Variants in PLCL1 observed in about 807,000 individuals in gnomAD.
PLCL1 encodes inactive phospholipase C-like protein 1.
In PLCL1, 41 loss-of-function variants were observed where a neutral mutation model predicts 84.4. The ratio of observed to expected loss-of-function variants is 0.49; its 90% CI spans 0.38 to 0.63. PLCL1 has a LOEUF of 0.63. Among genes scored for constraint, PLCL1 ranks in the 30% least tolerant of loss-of-function variants. PLCL1 has a pLI of 0.00. For synonymous variants in PLCL1, 490 were observed against 488.3 expected, an observed-to-expected ratio of 1.00 and a Z score of -0.05; for missense variants, 1,206 against 1,367.8, an observed-to-expected ratio of 0.88 and a Z score of 1.87.
intron 1 of PLCL1, among the ~76,000 whole-genome samples, chr2:197,965,184 T>C (rs549016301): frequency 5.9e-5 from 9 of 152,258 alleles, no homozygotes; most frequent in Non-Finnish European, 1.2e-4. Flanking sequence ...TGGCATCAGG[T>C]CCTGGGCTTT....
chr2:197,812,475 C>A (rs1348637804), intron 1 of PLCL1, among the ~76,000 whole-genome samples: 3 of 152,126 alleles, frequency 2.0e-5, no homozygotes, highest in Non-Finnish European at 4.4e-5. Context: ...TTTTTGACTT[C>A]TTAATAATAG....
At chr2:197,950,676 CTAATA>C (rs1454053598) in intron 1 of PLCL1, among the ~76,000 whole-genome samples, 1 of 152,080 alleles carries the variant, frequency 6.6e-6, no homozygotes, top group Middle Eastern at 3.4e-3. Flanking sequence ...TTTACAATTG[CTAATA>C]TAATAGAATT....
intron 4 of PLCL1, among the ~76,000 whole-genome samples, chr2:198,102,034 A>G (rs1423472354): frequency 6.6e-6 from 1 of 152,076 alleles, no homozygotes; most frequent in Non-Finnish European, 1.5e-5. Context: ...AATCATCATT[A>G]TATCCGATTT....
At chr2:198,059,147 T>C (rs952996770) in intron 1 of PLCL1, among the ~76,000 whole-genome samples, 1 of 152,178 alleles carries the variant, frequency 6.6e-6, no homozygotes, top group African/African-American at 2.4e-5. Flanking sequence ...CCTGTATTCT[T>C]GTGTGACTTT....
chr2:197,815,784 G>C (rs1405580968), intron 1 of PLCL1, among the ~76,000 whole-genome samples: 3 of 152,076 alleles, frequency 2.0e-5, no homozygotes, highest in Non-Finnish European at 4.4e-5. Flanking sequence ...CACTGTAGAC[G>C]GGGTGGAAAT....
intron 1 of PLCL1, among the ~76,000 whole-genome samples, chr2:198,071,903 T>C (rs1012492594): frequency 6.6e-6 from 1 of 151,902 alleles, no homozygotes; most frequent in Non-Finnish European, 1.5e-5. Context: ...TTGTCTGACA[T>C]GAAGCAGAAA....
intron 1 of PLCL1, among the ~76,000 whole-genome samples, chr2:198,011,928 T>C (rs1690877460): frequency 6.6e-6 from 1 of 152,174 alleles, no homozygotes; most frequent in Admixed American, 6.6e-5. Context: ...TGGTCACTTC[T>C]CCTCTCTGTA....
At chr2:197,861,241 C>T (rs1559027907) in intron 1 of PLCL1, among the ~76,000 whole-genome samples, 2 of 152,116 alleles carry the variant, frequency 1.3e-5, no homozygotes, top group South Asian at 4.2e-4. Flanking sequence ...AAGTTGATCA[C>T]CAATAGACAA....
intron 1 of PLCL1, among the ~76,000 whole-genome samples, chr2:197,917,064 C>T (rs1445906188): frequency 6.6e-6 from 1 of 152,158 alleles, no homozygotes; most frequent in African/African-American, 2.4e-5. Context: ...TCTGGGAAAA[C>T]AAAATGGAAC....
chr2:197,811,147 C>A (rs1230400570), intron 1 of PLCL1, among the ~76,000 whole-genome samples: 1 of 152,092 alleles, frequency 6.6e-6, no homozygotes, highest in African/African-American at 2.4e-5. Context: ...TATTCTAGTT[C>A]CTGTAATAGG....
intron 1 of PLCL1, among the ~76,000 whole-genome samples, chr2:197,861,012 A>G (rs979912904): frequency 6.6e-6 from 1 of 152,090 alleles, no homozygotes; most frequent in Non-Finnish European, 1.5e-5. Flanking sequence ...ACTGTGTTTG[A>G]TCTTCACCCA....
At chr2:197,865,170 A>G (rs1687505326) in intron 1 of PLCL1, among the ~76,000 whole-genome samples, 1 of 152,200 alleles carries the variant, frequency 6.6e-6, no homozygotes, top group African/African-American at 2.4e-5. Context: ...AATAGGTTTC[A>G]GTCACTCAAT....
At chr2:198,096,764 G>C (rs1693207197) in intron 3 of PLCL1, among the ~76,000 whole-genome samples, 1 of 152,150 alleles carries the variant, frequency 6.6e-6, no homozygotes, top group African/African-American at 2.4e-5. Flanking sequence ...GGGTGATTTG[G>C]AGAGCAGTTG....
chr2:197,884,078 T>C (rs1687876899), intron 1 of PLCL1, among the ~76,000 whole-genome samples: 2 of 152,222 alleles, frequency 1.3e-5, no homozygotes, highest in African/African-American at 4.8e-5. Flanking sequence ...AACTGGGATA[T>C]TTAATAGATA....
intron 1 of PLCL1, among the ~76,000 whole-genome samples, chr2:198,003,215 C>T (rs1574238606): frequency 6.6e-6 from 1 of 152,052 alleles, no homozygotes; most frequent in South Asian, 2.1e-4. Context: ...TTAATGTAAA[C>T]TTCTACTAAG....
chr2:197,985,449 C>T lies in PLCL1; in HGVS notation c.241-98309C>T, dbSNP rs534873979. Among the ~76,000 whole-genome samples, 244 of 152,266 alleles carry T rather than the reference C, an allele frequency of 1.6e-3. 1 individual carries two copies. Among genetic ancestry groups the T allele is most frequent in the African/African-American group, 5.7e-3 (235 of 41,556 alleles). Reference sequence around the variant, plus strand: ...TAGTATCATCTGATATTGAATACAGCTCACTTCATATAGGATGAAGTGAAT... The same window carrying T: ...TAGTATCATCTGATATTGAATACAGTTCACTTCATATAGGATGAAGTGAAT... On this transcript the variant is annotated intron_variant, in intron 1 of 5. Coordinates refer to ENST00000428675, the MANE Select transcript of PLCL1 (RefSeq NM_006226.4).
At chr2:198,086,484 G>A (rs1401105768) in intron 2 of PLCL1, among the ~76,000 whole-genome samples, 1 of 152,062 alleles carries the variant, frequency 6.6e-6, no homozygotes, top group Non-Finnish European at 1.5e-5. Context: ...AGCCAGATGT[G>A]GTGGCGAGCA....
rs1694579137 is a variant in PLCL1, at chr2:198,148,479, T to TA, written c.*1520dup. On this transcript the variant is annotated 3_prime_UTR_variant, in exon 6 of 6. Coordinates refer to ENST00000428675, the MANE Select transcript of PLCL1 (RefSeq NM_006226.4). ...ATGGGTTACTACATCAAAAATATCT[T>TA]AAAGAGTTTGCTATTTCCATGGACC... 1 of 152,324 alleles carries TA rather than the reference T, an allele frequency of 6.6e-6. No homozygotes were observed. The highest frequency in any genetic ancestry group is 2.4e-5 in the African/African-American group (1 of 41,438). 9.4% of individuals were successfully genotyped at this position (152,324 alleles called of 1,614,324 possible).
chr2:197,901,239 G>A (rs980022004), intron 1 of PLCL1, among the ~76,000 whole-genome samples: 1 of 152,162 alleles, frequency 6.6e-6, no homozygotes, highest in Non-Finnish European at 1.5e-5. Flanking sequence ...CTCAGTACAG[G>A]TTGAGTGCTT....
Sources: gnomAD v4.1 joint callset for allele counts (sites outside exome capture counted in the v4.1 genomes callset) on GRCh38, gnomAD v4.1.1 for gene constraint, MANE v1.5 for transcripts, NCBI Gene and HGNC (gene_info 2026-07-23, HGNC 2026-07-21) for gene names.